Variants in TRAPPC10 observed in about 807,000 individuals in gnomAD.
TRAPPC10 encodes the protein trafficking protein particle complex subunit 10.
In TRAPPC10, 23 loss-of-function variants were observed where a neutral mutation model predicts 125.5. The observed-to-expected ratio is 0.18, with a 90% CI of 0.13 to 0.26. The LOEUF (loss-of-function observed/expected upper bound fraction) is 0.26. TRAPPC10 is among the 10% of genes least tolerant of loss of function. The pLI, the probability that TRAPPC10 is intolerant of heterozygous loss-of-function variation, is 1.00. For synonymous variants in TRAPPC10, 509 were observed against 518.0 expected (o/e 0.98, Z 0.24); for missense variants, 1,123 against 1,308.4 (o/e 0.86, Z 2.19).
chr21:44,066,372 C>T (rs1358063145), intron 7 of TRAPPC10, among the ~76,000 whole-genome samples: 2 of 152,172 alleles, frequency 1.3e-5, no homozygotes, highest in African/African-American at 4.8e-5. Flanking sequence ...TGCTTACTAG[C>T]CTTGCGCACT....
At chr21:44,039,137 C>G (rs985117320) in intron 3 of TRAPPC10, among the ~76,000 whole-genome samples, 2 of 152,228 alleles carry the variant, frequency 1.3e-5, no homozygotes, top group African/African-American at 4.8e-5. Context: ...TAATCTAACT[C>G]TGGGGAGCCA....
chr21:44,014,317 C>G (rs1359919460), intron 1 of TRAPPC10, among the ~76,000 whole-genome samples: 2 of 151,706 alleles, frequency 1.3e-5, no homozygotes, highest in Non-Finnish European at 2.9e-5. Context: ...GGTTTTCTTT[C>G]CTACAGATTT....
rs779854198 is a variant in TRAPPC10 at position 44,063,624 on chromosome 21, C to A, written c.877C>A (p.Arg293=). ...ILRKPIDMEK[R]ESIQRREATL... is the part of the protein sequence containing the mutation. ...CCGAAAACCCATAGATATGGAGAAG[C>A]GGGAATCGATCCAGAGGCGAGAAGC... Residue 293 remains arginine (R), a synonymous_variant, in exon 7 of 23, where the codon CGG becomes AGG. Coordinates refer to ENST00000291574, the MANE Select transcript of TRAPPC10 (RefSeq NM_003274.5). The surrounding 1 kb of genome is among the most constrained non-coding windows in gnomAD (Gnocchi z 4.4). The A allele has an allele frequency of 6.2e-7, 1 of 1,614,036 alleles. No individual in the cohort carries two copies. The highest frequency in any genetic ancestry group is 8.5e-7 in the Non-Finnish European group (1 of 1,180,032).
At chr21:44,076,047 C>CTAAAAAA (rs113332330) in intron 9 of TRAPPC10, among the ~76,000 whole-genome samples, 9 of 137,278 alleles carry the variant, frequency 6.6e-5, no homozygotes, top group Middle Eastern at 4.0e-3. Context: ...AAAACTCTGT[C>CTAAAAAA]AAAAAAAAAA....
chr21:44,020,421 G>A (rs1231564749), intron 1 of TRAPPC10, among the ~76,000 whole-genome samples: 1 of 152,046 alleles, frequency 6.6e-6, no homozygotes, highest in African/African-American at 2.4e-5. Flanking sequence ...CACCGCGCCT[G>A]GCCCATTTTT....
intron 7 of TRAPPC10, among the ~76,000 whole-genome samples, chr21:44,073,065 G>A (rs1219592685): frequency 6.6e-6 from 1 of 152,226 alleles, no homozygotes; most frequent in East Asian, 1.9e-4. Flanking sequence ...TTGGGTGAGA[G>A]AGTTGTGCAG....
At chr21:44,046,008 G>A (rs908141829) in intron 3 of TRAPPC10, among the ~76,000 whole-genome samples, 3 of 151,286 alleles carry the variant, frequency 2.0e-5, no homozygotes, top group Admixed American at 2.0e-4. Flanking sequence ...CATATCCACC[G>A]GAGAGGAAAT....
intron 1 of TRAPPC10, 54 bp downstream of exon 1, chr21:44,012,614 T>C: frequency 6.8e-7 from 1 of 1,462,890 alleles, no homozygotes; most frequent in Non-Finnish European, 9.3e-7. Flanking sequence ...GCCCGGGCCC[T>C]GGCGTTATGC....
At chr21:44,020,407 G>A (rs1056709553) in intron 1 of TRAPPC10, among the ~76,000 whole-genome samples, 1 of 152,092 alleles carries the variant, frequency 6.6e-6, no homozygotes, top group Admixed American at 6.6e-5. Context: ...TTACAGGCAT[G>A]AGCCACCGCG....
At chr21:44,065,128 A>T (rs757700908) in intron 7 of TRAPPC10, among the ~76,000 whole-genome samples, 10 of 152,178 alleles carry the variant, frequency 6.6e-5, no homozygotes, top group Non-Finnish European at 1.5e-4. Flanking sequence ...TTCAAGTCCA[A>T]ATGATTCAGA....
chr21:44,076,720 T>TG (rs1445123367), intron 10 of TRAPPC10, 92 bp downstream of exon 10: 2 of 1,127,754 alleles, frequency 1.8e-6, no homozygotes, highest in African/African-American at 1.6e-5. Context: ...AAGGAACTGG[T>TG]GTGGGGGGCC....
At chr21:44,045,535 T>G (rs917496236) in intron 3 of TRAPPC10, among the ~76,000 whole-genome samples, 1 of 152,242 alleles carries the variant, frequency 6.6e-6, no homozygotes, top group Non-Finnish European at 1.5e-5. Context: ...TTTTTTTCTT[T>G]GCATTTTAAG....
chr21:44,035,437 G>A (rs2033920434), intron 2 of TRAPPC10, among the ~76,000 whole-genome samples: 1 of 152,190 alleles, frequency 6.6e-6, no homozygotes. Flanking sequence ...GTGTGTTGGT[G>A]GGCGGTGAGG....
chr21:44,084,055 G>T (rs565764931), intron 14 of TRAPPC10, 67 bp from the exon 15 acceptor site: 210 of 1,592,078 alleles, frequency 1.3e-4, no homozygotes, highest in Non-Finnish European at 2.5e-5. Flanking sequence ...GCTGCACCGC[G>T]CTACCGCAGG....
At chr21:44,042,811 A>G (rs2034510029) in intron 3 of TRAPPC10, among the ~76,000 whole-genome samples, 1 of 152,138 alleles carries the variant, frequency 6.6e-6, no homozygotes, top group African/African-American at 2.4e-5. Context: ...TTTGGTGCTT[A>G]GGTGTTTACA....
chr21:44,087,726 T>A lies in TRAPPC10; in HGVS notation c.2567T>A (p.Ile856Asn). 6.2e-7 allele frequency: 1 copy of A among 1,614,020 alleles called. No homozygotes were observed. Among genetic ancestry groups the A allele is most frequent in the Non-Finnish European group, 8.5e-7 (1 of 1,180,018 alleles). The stretch of plus-strand genomic sequence containing the variant: ...CAGTCTTCTGAGGCCGCGCTCCGGA[T>A]TCAGTCCTCCGACAAGGTCACGAGC... ...REQSSEAALR[I>N]QSSDKVTSIS... Residue 856 changes from isoleucine (I) to asparagine (N), a missense_variant, in exon 17 of 23, where the codon ATT becomes AAT. Ile to Asn is a moderately radical substitution (Grantham distance 149, BLOSUM62 -3). This residue lies in a region of TRAPPC10 where 840 missense variants were observed against 902.0 expected (regional missense o/e 0.93). Coordinates refer to ENST00000291574, the MANE Select transcript of TRAPPC10 (RefSeq NM_003274.5). The surrounding 1 kb of genome is among the most constrained non-coding windows in gnomAD (Gnocchi z 4.6).
chr21:44,051,065 G>A (rs1386186015), intron 3 of TRAPPC10, among the ~76,000 whole-genome samples: 2 of 152,104 alleles, frequency 1.3e-5, no homozygotes, highest in African/African-American at 2.4e-5. Flanking sequence ...CGCCATGCCC[G>A]GCTAATCTTT....
intron 3 of TRAPPC10, among the ~76,000 whole-genome samples, chr21:44,042,999 T>C (rs149689820): frequency 1.2e-3 from 180 of 152,206 alleles, no homozygotes; most frequent in African/African-American, 4.1e-3. Flanking sequence ...TTATATATAT[T>C]AGGAGCTCTG....
Position 44,089,877 on chromosome 21 carries a change from A to C in TRAPPC10, c.2814A>C (p.Ala938=). Residue 938 remains alanine, a synonymous_variant, in exon 18 of 23, where the codon GCA becomes GCC. Coordinates refer to ENST00000291574, the MANE Select transcript of TRAPPC10 (RefSeq NM_003274.5). The part of the protein sequence containing the change: ...CPWSIYSTVI[A]LTFSVPFRTT... ...GGTCCATCTACTCCACAGTCATCGC[A>C]CTGACCTTCAGCGTACCCTTCAGGA... The C allele has an allele frequency of 6.2e-7, 1 of 1,613,842 alleles. No homozygotes were observed. Among genetic ancestry groups the C allele is most frequent in the Non-Finnish European group, 8.5e-7 (1 of 1,179,862 alleles).
Sources: gnomAD v4.1 joint callset for allele counts (sites outside exome capture counted in the v4.1 genomes callset) on GRCh38, gnomAD v4.1.1 for gene constraint, gnomAD v4.1.1 regional missense constraint, Gnocchi (gnomAD v3.1) non-coding constraint, MANE v1.5 for transcripts, NCBI Gene and HGNC (gene_info 2026-07-23, HGNC 2026-07-21) for gene names.